LRMDA: variants seen among roughly 807,000 people sequenced by gnomAD.
LRMDA encodes leucine rich melanocyte differentiation associated, also known as leucine-rich melanocyte differentiation-associated protein.
A neutral mutation model predicts 29.8 loss-of-function variants in LRMDA; 18 were observed. The observed-to-expected ratio is 0.60, with a 90% CI of 0.42 to 0.90. LRMDA has a LOEUF of 0.90. Ranked by LOEUF, LRMDA falls within the 40% of genes least tolerant of loss-of-function variation. The pLI is 0.00. For missense variants in LRMDA, 273 were observed against 273.9 expected (o/e 1.00, Z 0.02); for synonymous variants, 125 against 109.4 (o/e 1.14, Z -0.89).
chr10:76,093,260 A>T lies in LRMDA; in HGVS notation c.516+34477A>T, dbSNP rs78653340. 1.1e-3 allele frequency among the ~76,000 whole-genome samples: 165 copies of T among 149,648 alleles called. 1 individual carries two copies. Among genetic ancestry groups the T allele is most frequent in the African/African-American group, 4.0e-3 (161 of 40,624 alleles). On this transcript the variant is annotated intron_variant, in intron 5 of 6. Transcript: ENST00000611255. Reference sequence around the variant, plus strand: ...ACCATGTTGGCCGGGCTGGTCTTGAACTCCTGAGCTCAAGTGATTCTCCCA... The same window carrying T: ...ACCATGTTGGCCGGGCTGGTCTTGATCTCCTGAGCTCAAGTGATTCTCCCA...
At position 75,751,123 on chromosome 10, in the gene LRMDA, G is replaced by C. The variant is rs188656501; in HGVS notation, c.132-284885G>C. Among the ~76,000 whole-genome samples the C allele has an allele frequency of 4.8e-3, 725 of 152,346 alleles. 6 individuals carry two copies. Among genetic ancestry groups the C allele is most frequent in the African/African-American group, 0.016 (668 of 41,574 alleles). On this transcript the variant is annotated intron_variant, in intron 2 of 6. Coordinates refer to ENST00000611255, the MANE Select transcript of LRMDA (RefSeq NM_001305581.2). ...GCGGTCAGGAGCTGGAGACCAGTCC[G>C]GCCAACACGGTGAAACCCCGTCTCC...
intron 2 of LRMDA, among the ~76,000 whole-genome samples, chr10:75,816,582 T>C (rs1210116408): frequency 6.6e-6 from 1 of 152,242 alleles, no homozygotes; most frequent in Non-Finnish European, 1.5e-5. Flanking sequence ...TCAAGAGGTT[T>C]GATTTTGCTC....
chr10:75,966,990 C>A (rs903082282), intron 2 of LRMDA, among the ~76,000 whole-genome samples: 8 of 152,234 alleles, frequency 5.3e-5, no homozygotes, highest in Non-Finnish European at 7.3e-5. Context: ...CAGTGTGTGA[C>A]AAAGCCAGTG....
rs953039562 is a variant in LRMDA, at chr10:76,072,177, C to A, written c.516+13394C>A. ...TGGGACCAGACAACTAATTATAGCC[C>A]CTGCCACAAGAGCAGTTCAAGCTGA... is the stretch of plus-strand genomic sequence containing the variant. On this transcript the variant is annotated intron_variant, in intron 5 of 6. Transcript: ENST00000611255. Among the ~76,000 whole-genome samples, 10 of 152,208 alleles carry A rather than the reference C, an allele frequency of 6.6e-5. No homozygotes were observed. The East Asian group carries it at 1.7e-3, about 27-fold the overall frequency.
At chr10:75,892,625 A>G (rs903881045) in intron 2 of LRMDA, among the ~76,000 whole-genome samples, 7 of 152,116 alleles carry the variant, frequency 4.6e-5, no homozygotes, top group African/African-American at 1.7e-4. Context: ...TCTTTTGGCT[A>G]TGGAAGGATG....
rs577884326 is a variant in LRMDA, at chr10:76,062,535, T to G, written c.516+3752T>G. On this transcript the variant is annotated intron_variant, in intron 5 of 6. Transcript: ENST00000611255. The stretch of plus-strand genomic sequence containing the variant: ...ACATTTCTCCTCCGTGGCTGCCTTT[T>G]AGCTTTTGTTGTTTCAAAGCTGGCT... 3.3e-5 allele frequency among the ~76,000 whole-genome samples: 5 copies of G among 152,160 alleles called. No homozygotes were observed. The South Asian group carries it at 1.0e-3, about 32-fold the overall frequency.
chr10:75,597,881 A>G (rs1487474718), intron 2 of LRMDA, among the ~76,000 whole-genome samples: 1 of 152,052 alleles, frequency 6.6e-6, no homozygotes, highest in African/African-American at 2.4e-5. Context: ...AATTTGTACA[A>G]ATCAGTTGTC....
intron 6 of LRMDA, among the ~76,000 whole-genome samples, chr10:76,555,403 C>A (rs955012552): frequency 3.3e-5 from 5 of 152,008 alleles, no homozygotes; most frequent in Admixed American, 2.6e-4. Context: ...AAAGCATGAC[C>A]AAGGAGGAGG....
chr10:76,498,984 A>G (rs1353322096), intron 6 of LRMDA, among the ~76,000 whole-genome samples: 2 of 22,046 alleles, frequency 9.1e-5, no homozygotes, highest in East Asian at 6.8e-4. Flanking sequence ...AAATAAAACA[A>G]CAGTAGTAGT....
chr10:76,096,880 A>T, intron 5 of LRMDA, among the ~76,000 whole-genome samples: 1 of 152,116 alleles, frequency 6.6e-6, no homozygotes, highest in Admixed American at 6.5e-5. Context: ...GAGCTTCGAA[A>T]TTTTAATTTC....
intron 5 of LRMDA, among the ~76,000 whole-genome samples, chr10:76,269,029 G>A (rs1406645929): frequency 6.6e-6 from 1 of 152,014 alleles, no homozygotes; most frequent in Non-Finnish European, 1.5e-5. Context: ...ATGGAACACT[G>A]GGCCACCGAA....
chr10:76,511,366 A>AT (rs76775758), intron 6 of LRMDA, among the ~76,000 whole-genome samples: 4,526 of 151,314 alleles, frequency 0.03, 157 homozygotes, highest in African/African-American at 0.077. Context: ...AGGGCCTGGG[A>AT]TTTTTTTTTA....
chr10:75,693,474 A>G (rs531054958), intron 2 of LRMDA, among the ~76,000 whole-genome samples: 2 of 152,318 alleles, frequency 1.3e-5, no homozygotes, highest in East Asian at 3.9e-4. Flanking sequence ...TTCAGTTGCA[A>G]TTAGCAGATT....
At chr10:76,018,898 A>C (rs961421859) in intron 2 of LRMDA, among the ~76,000 whole-genome samples, 3 of 152,164 alleles carry the variant, frequency 2.0e-5, no homozygotes, top group Non-Finnish European at 2.9e-5. Flanking sequence ...TAAAGTGAAA[A>C]GAAGCTTCAA....
At chr10:76,363,211 A>AGGGG (rs1564520715) in intron 6 of LRMDA, among the ~76,000 whole-genome samples, 1 of 10,054 alleles carries the variant, frequency 9.9e-5, no homozygotes, top group Non-Finnish European at 2.7e-4. Flanking sequence ...GGAGGGAGGG[A>AGGGG]AGGAAGAGAA....
At chr10:76,502,924 CTATTTTGAA>C (rs999264831) in intron 6 of LRMDA, among the ~76,000 whole-genome samples, 4 of 151,820 alleles carry the variant, frequency 2.6e-5, no homozygotes, top group African/African-American at 7.3e-5. Flanking sequence ...GCTTCCAATA[CTATTTTGAA>C]TAGGAGTGGG....
intron 5 of LRMDA, among the ~76,000 whole-genome samples, chr10:76,155,109 A>G (rs994792588): frequency 7.9e-5 from 12 of 152,212 alleles, no homozygotes; most frequent in Non-Finnish European, 1.3e-4. Flanking sequence ...GAGAACAACC[A>G]GCAGTCTCTG....
At position 76,377,086 on chromosome 10, in the gene LRMDA, C is replaced by T. The variant is rs192331456; in HGVS notation, c.601+52601C>T. Among the ~76,000 whole-genome samples, 9 of 151,752 alleles carry T rather than the reference C, an allele frequency of 5.9e-5. No homozygotes were observed. The South Asian group carries it at 8.3e-4, about 14-fold the overall frequency. On this transcript the variant is annotated intron_variant, in intron 6 of 6. Transcript: ENST00000611255. ...ATGTTTAGTAGAGACAGGGTTTCAC[C>T]GTGTTAGCCAATATGGTCTCAATCT...
chr10:76,536,151 A>T (rs1366488616), intron 6 of LRMDA, among the ~76,000 whole-genome samples: 1 of 152,178 alleles, frequency 6.6e-6, no homozygotes, highest in African/African-American at 2.4e-5. Flanking sequence ...ATACTTCGGC[A>T]TGGGTCTCCT....
Sources: allele counts gnomAD v4.1 joint callset (sites outside exome capture counted in the v4.1 genomes callset), GRCh38; gene constraint gnomAD v4.1.1; transcripts MANE v1.5; gene names NCBI Gene and HGNC (gene_info 2026-07-23, HGNC 2026-07-21).